The following PDE2A variants were observed in gnomAD, a reference collection of about 807,000 sequenced individuals.
PDE2A encodes the protein phosphodiesterase 2A.
In PDE2A, 53 loss-of-function variants were observed where a neutral mutation model predicts 133.6. That is an observed-to-expected ratio of 0.40 (90% CI 0.32 to 0.50). PDE2A has a LOEUF of 0.50. Ranked by LOEUF, PDE2A falls within the 20% of genes least tolerant of loss-of-function variation. The probability of loss-of-function intolerance (pLI) is 0.73; values close to 1 mark genes in which losing one functional copy is unlikely to be tolerated. For missense variants in PDE2A, 796 were observed against 1,232.4 expected, an observed-to-expected ratio of 0.65 and a Z score of 5.30; for synonymous variants, 491 against 490.2, an observed-to-expected ratio of 1.00 and a Z score of -0.02.
chr11:72,660,658 T>C (rs1456484183), intron 1 of PDE2A, among the ~76,000 whole-genome samples: 1 of 151,994 alleles, frequency 6.6e-6, no homozygotes, highest in Non-Finnish European at 1.5e-5. Flanking sequence ...GGAGCAGAGA[T>C]CTGAACCAAG....
intron 2 of PDE2A, among the ~76,000 whole-genome samples, chr11:72,627,762 C>T (rs1212942452): frequency 1.3e-5 from 2 of 152,232 alleles, no homozygotes; most frequent in Non-Finnish European, 2.9e-5. Context: ...TCCCCATGCC[C>T]CCATCCCAGC....
At chr11:72,641,002 A>C (rs1858927848) in intron 2 of PDE2A, among the ~76,000 whole-genome samples, 1 of 152,146 alleles carries the variant, frequency 6.6e-6, no homozygotes, top group Non-Finnish European at 1.5e-5. Context: ...ACATGATTAC[A>C]CACAAGACAC....
chr11:72,601,028 A>G (rs1591050500), intron 4 of PDE2A, among the ~76,000 whole-genome samples: 1 of 149,590 alleles, frequency 6.7e-6, no homozygotes, highest in South Asian at 2.1e-4. Flanking sequence ...CGCGTTCTCT[A>G]CTTTGGAGAA....
intron 16 of PDE2A, 177 bp from the exon 17 acceptor site, chr11:72,585,121 T>G (rs1042326426): frequency 1.1e-4 from 71 of 670,176 alleles, no homozygotes; most frequent in Non-Finnish European, 8.1e-5. Flanking sequence ...TTTGTTTTTT[T>G]TTTTTTTTGG....
intron 1 of PDE2A, 82 bp from the exon 2 acceptor site, chr11:72,642,408 G>A: frequency 7.8e-7 from 1 of 1,276,372 alleles, no homozygotes; most frequent in South Asian, 2.8e-5. Context: ...CGCCGGCCCG[G>A]CCGCTGCGCT....
In PDE2A at chr11:72,608,653, G is replaced by C; in HGVS notation, c.234+9C>G. 1 of 1,472,754 alleles carries C rather than the reference G, an allele frequency of 6.8e-7. No individual in the cohort carries two copies. The highest frequency in any genetic ancestry group is 1.2e-5 in the South Asian group (1 of 83,470). The allele number at this position is 1,472,754 out of a possible 1,614,324, so 91.2% of individuals were successfully genotyped here. A position where few individuals can be genotyped will look rare whatever the true frequency, so the allele number is the denominator to read the frequency against. The stretch of plus-strand genomic sequence containing the variant: ...GGGTGGGAAGCGTGGGGCAAGGGCG[G>C]GCACCTACCACTCGGGGGAGCACAG... On this transcript the variant is annotated intron_variant, in intron 3 of 30. Coordinates refer to ENST00000334456, the MANE Select transcript of PDE2A (RefSeq NM_002599.5).
chr11:72,584,463 G>T, intron 18 of PDE2A, 88 bp downstream of exon 18: 1 of 1,432,268 alleles, frequency 7.0e-7, no homozygotes. Context: ...GACGCTGGAG[G>T]CGGTGGGGAA....
In PDE2A at chr11:72,590,054, T is replaced by C; in HGVS notation, c.757-73A>G. 7.0e-7 allele frequency: 1 copy of C among 1,431,934 alleles called. No homozygotes were observed. Among genetic ancestry groups the C allele is most frequent in the African/African-American group, 1.4e-5 (1 of 70,940 alleles). 88.7% of individuals were successfully genotyped at this position (1,431,934 alleles called of 1,614,324 possible). On this transcript the variant is annotated intron_variant, in intron 9 of 30. Transcript: ENST00000334456. The surrounding 1 kb of genome is among the most constrained non-coding windows in gnomAD (Gnocchi z 4.8). ...ACCCCACTCCCCACCTGCTCCCCTC[T>C]CCGGGGCTCTTCAGGCGGGTGGAGG...
At chr11:72,671,187 C>A (rs898187946) in intron 1 of PDE2A, among the ~76,000 whole-genome samples, 3 of 152,206 alleles carry the variant, frequency 2.0e-5, no homozygotes, top group African/African-American at 7.2e-5. Context: ...TGTAGGGTTG[C>A]AGCTTTCCAT....
chr11:72,624,160 T>A (rs1432059444), intron 2 of PDE2A, among the ~76,000 whole-genome samples: 1 of 151,958 alleles, frequency 6.6e-6, no homozygotes, highest in Non-Finnish European at 1.5e-5. Flanking sequence ...CCTGGCTAAT[T>A]TTTGTATTTT....
At chr11:72,646,035 C>T (rs1304899035) in intron 1 of PDE2A, among the ~76,000 whole-genome samples, 1 of 152,222 alleles carries the variant, frequency 6.6e-6, no homozygotes, top group African/African-American at 2.4e-5. Flanking sequence ...CCTCTTTTGT[C>T]CCCAAGAATG....
At chr11:72,628,647 C>A (rs142485085) in intron 2 of PDE2A, among the ~76,000 whole-genome samples, 14 of 152,320 alleles carry the variant, frequency 9.2e-5, no homozygotes, top group Admixed American at 9.1e-4. Context: ...CGTTCTTATC[C>A]CGCCTGGCAG....
intron 4 of PDE2A, among the ~76,000 whole-genome samples, chr11:72,604,241 T>C (rs1856873822): frequency 6.6e-6 from 1 of 152,216 alleles, no homozygotes; most frequent in South Asian, 2.1e-4. Context: ...GGTTTTCTCA[T>C]CTGATGAGTT....
In PDE2A at chr11:72,579,616, G is replaced by T. The variant is rs759959635; in HGVS notation, c.2182-8C>A. The T allele has an allele frequency of 1.2e-6, 2 of 1,607,212 alleles. No homozygotes were observed. Among genetic ancestry groups the T allele is most frequent in the South Asian group, 1.1e-5 (1 of 90,346 alleles). On this transcript the variant is annotated splice_polypyrimidine_tract_variant and splice_region_variant and intron_variant, in intron 25 of 30. Coordinates refer to ENST00000334456, the MANE Select transcript of PDE2A (RefSeq NM_002599.5). ...CTGAGCAAAGTGGTGCCTCTGGGGG[G>T]AGAGGAGTGATGGGGGCCCAGCTGG...
Position 72,632,622 on chromosome 11 carries a change from G to C in PDE2A, c.144+9632C>G, listed in dbSNP as rs144727410. The stretch of plus-strand genomic sequence containing the variant: ...GAGGAAATGACGAGGGTTGAGATAA[G>C]TGCCTGACCCAGGGCTGTCCCTTTT... On this transcript the variant is annotated intron_variant, in intron 2 of 30. Transcript: ENST00000334456. Among the ~76,000 whole-genome samples, 313 of 152,286 alleles carry C rather than the reference G, an allele frequency of 2.1e-3. 2 individuals carry two copies. Among genetic ancestry groups the C allele is most frequent in the African/African-American group, 7.3e-3 (304 of 41,536 alleles).
rs559489673 is a variant in PDE2A at position 72,630,171 on chromosome 11, C to G, written c.144+12083G>C. Reference sequence around the variant, plus strand: ...CACCCCTCGCAGGGCAGGAAATGCGCTGGCTGAGCCCTGCACCGGTACCCA... The same window carrying G: ...CACCCCTCGCAGGGCAGGAAATGCGGTGGCTGAGCCCTGCACCGGTACCCA... On this transcript the variant is annotated intron_variant, in intron 2 of 30. Transcript: ENST00000334456. 2.6e-5 allele frequency among the ~76,000 whole-genome samples: 4 copies of G among 152,212 alleles called. No homozygotes were observed. In the South Asian group the frequency reaches 6.2e-4, roughly 24 times the overall value.
At chr11:72,580,469 C>T (rs1310333930) in intron 25 of PDE2A, 108 bp downstream of exon 25, 7 of 858,000 alleles carry the variant, frequency 8.2e-6, no homozygotes, top group South Asian at 2.9e-5. Flanking sequence ...GCAGCTCTCG[C>T]AGCCTGTCTG....
In PDE2A at chr11:72,609,008, A is replaced by T. The variant is rs538948176; in HGVS notation, c.145-257T>A. On this transcript the variant is annotated intron_variant, in intron 2 of 30. Coordinates refer to ENST00000334456, the MANE Select transcript of PDE2A (RefSeq NM_002599.5). ...TTAGCAAAGGCCTCATAGTGAGTCAACAGGTCAAGCCTGGCCTAGACCCCA... is the reference window on the plus strand; with the variant it reads ...TTAGCAAAGGCCTCATAGTGAGTCATCAGGTCAAGCCTGGCCTAGACCCCA... 3.9e-5 allele frequency among the ~76,000 whole-genome samples: 6 copies of T among 152,358 alleles called. No homozygotes were observed. The South Asian group carries it at 6.2e-4, about 16-fold the overall frequency.
At chr11:72,640,871 C>A (rs1056643705) in intron 2 of PDE2A, among the ~76,000 whole-genome samples, 1 of 152,114 alleles carries the variant, frequency 6.6e-6, no homozygotes, top group South Asian at 2.1e-4. Context: ...AGCTACCACT[C>A]CACAGCCACA....
Sources: gnomAD v4.1 joint callset for allele counts (sites outside exome capture counted in the v4.1 genomes callset) on GRCh38, gnomAD v4.1.1 for gene constraint, Gnocchi (gnomAD v3.1) non-coding constraint, MANE v1.5 for transcripts, NCBI Gene and HGNC (gene_info 2026-07-23, HGNC 2026-07-21) for gene names.